SLC16A7: variants seen among roughly 807,000 people sequenced by gnomAD.
SLC16A7 encodes monocarboxylate transporter 2.
Under a neutral mutation model 34.9 loss-of-function variants are expected in SLC16A7, and 33 were observed. That is an observed-to-expected ratio of 0.94 (90% CI 0.72 to 1.26). The LOEUF (loss-of-function observed/expected upper bound fraction) is 1.26, where lower values mean the gene tolerates loss of function less well. Ranked by LOEUF, SLC16A7 falls within the 50% of genes most tolerant of loss-of-function variation. The pLI is 0.00. For missense variants in SLC16A7, 573 were observed against 578.1 expected (o/e 0.99, Z 0.09); for synonymous variants, 201 against 206.6 (o/e 0.97, Z 0.23).
At chr12:59,624,804 A>T (rs988113630) in intron 1 of SLC16A7, among the ~76,000 whole-genome samples, 1 of 151,082 alleles carries the variant, frequency 6.6e-6, no homozygotes, top group African/African-American at 2.4e-5. Flanking sequence ...TACTGCAAGC[A>T]TATTTCTGGT....
chr12:59,771,105 T>C, intron 3 of SLC16A7, 114 bp from the exon 4 acceptor site: 4 of 956,744 alleles, frequency 4.2e-6, no homozygotes, highest in Non-Finnish European at 6.3e-6. Context: ...AACTAGTATT[T>C]CTCCTCTGAC....
rs149470505 is a variant in SLC16A7, at chr12:59,621,091, G to T, written c.-130+24855G>T. Among the ~76,000 whole-genome samples the T allele has an allele frequency of 3.8e-3, 582 of 151,834 alleles. 4 individuals are homozygous for T. The highest frequency in any genetic ancestry group is 0.013 in the African/African-American group (527 of 41,480). ...CTTGGTGCACTATGGTTTATCCATG[G>T]GTCTCCACCACTGTTCTCTAGACTG... On this transcript the variant is annotated intron_variant, in intron 1 of 5. Transcript: ENST00000547379.
chr12:59,714,213 A>G (rs975236515), intron 3 of SLC16A7, among the ~76,000 whole-genome samples: 4 of 152,156 alleles, frequency 2.6e-5, no homozygotes, highest in Admixed American at 2.6e-4. Flanking sequence ...CTATGGTGAA[A>G]AGATGGAGAA....
chr12:59,736,801 T>C (rs1186370427), intron 3 of SLC16A7, among the ~76,000 whole-genome samples: 1 of 152,198 alleles, frequency 6.6e-6, no homozygotes, highest in East Asian at 1.9e-4. Flanking sequence ...CATAACTTCC[T>C]CCACATGCTG....
At chr12:59,628,762 A>T (rs1880047666) in intron 1 of SLC16A7, among the ~76,000 whole-genome samples, 1 of 151,864 alleles carries the variant, frequency 6.6e-6, no homozygotes, top group East Asian at 1.9e-4. Context: ...TAAGTGAATC[A>T]ATTAATTAAT....
intron 2 of SLC16A7, among the ~76,000 whole-genome samples, chr12:59,667,246 A>G (rs933851478): frequency 6.6e-6 from 1 of 152,206 alleles, no homozygotes; most frequent in African/African-American, 2.4e-5. Flanking sequence ...TTGGGTGGGG[A>G]CACAGCCAAA....
intron 1 of SLC16A7, among the ~76,000 whole-genome samples, chr12:59,622,554 T>C (rs1879740648): frequency 6.6e-6 from 1 of 151,864 alleles, no homozygotes; most frequent in African/African-American, 2.4e-5. Context: ...TTTTTTGATA[T>C]GTGATTATGA....
chr12:59,773,570 C>CT (rs34811948), intron 4 of SLC16A7, among the ~76,000 whole-genome samples: 2,234 of 145,620 alleles, frequency 0.015, 36 homozygotes, highest in African/African-American at 0.049. Context: ...AACCAATGTA[C>CT]TTTTTTTTTT....
intron 3 of SLC16A7, among the ~76,000 whole-genome samples, chr12:59,768,498 G>C (rs1168436138): frequency 6.6e-6 from 1 of 152,114 alleles, no homozygotes; most frequent in African/African-American, 2.4e-5. Flanking sequence ...TGAAAATGCT[G>C]TATATATTGT....
At position 59,610,555 on chromosome 12, in the gene SLC16A7, A is replaced by C. The variant is rs905140053; in HGVS notation, c.-130+14319A>C. 2.0e-5 allele frequency among the ~76,000 whole-genome samples: 3 copies of C among 152,174 alleles called. No individual in the cohort carries two copies. In the East Asian group the frequency reaches 5.8e-4, roughly 29 times the overall value. On this transcript the variant is annotated intron_variant, in intron 1 of 5. Transcript: ENST00000547379. ...CAATTATACTTTAATGAGAATGACTACTCAAAAAAAACCTTAATAATTTGT... is the reference window on the plus strand; with the variant it reads ...CAATTATACTTTAATGAGAATGACTCCTCAAAAAAAACCTTAATAATTTGT...
At chr12:59,764,380 G>A (rs904205096) in intron 3 of SLC16A7, among the ~76,000 whole-genome samples, 1 of 152,096 alleles carries the variant, frequency 6.6e-6, no homozygotes, top group Non-Finnish European at 1.5e-5. Context: ...TGTGCACAAC[G>A]TGCAGGTTTG....
intron 2 of SLC16A7, 84 bp from the exon 3 acceptor site, chr12:59,704,688 G>T: frequency 1.5e-6 from 1 of 668,142 alleles, no homozygotes; most frequent in Non-Finnish European, 2.6e-6. Flanking sequence ...GTTTTAACTG[G>T]AAAGTACTAT....
At chr12:59,724,776 G>A (rs914583306) in intron 3 of SLC16A7, among the ~76,000 whole-genome samples, 1 of 151,980 alleles carries the variant, frequency 6.6e-6, no homozygotes, top group Non-Finnish European at 1.5e-5. Flanking sequence ...TAAAGAAATG[G>A]AGGGTTTTTA....
At chr12:59,693,738 T>C (rs919186441) in intron 2 of SLC16A7, among the ~76,000 whole-genome samples, 12 of 151,896 alleles carry the variant, frequency 7.9e-5, no homozygotes, top group Non-Finnish European at 1.6e-4. Flanking sequence ...ACCATCAGAA[T>C]GGACATGCGC....
chr12:59,644,670 C>A (rs1880831846), intron 1 of SLC16A7, among the ~76,000 whole-genome samples: 1 of 152,144 alleles, frequency 6.6e-6, no homozygotes, highest in South Asian at 2.1e-4. Flanking sequence ...TAACTAATTT[C>A]TGATTGCAAA....
At chr12:59,688,368 A>G (rs535166891) in intron 2 of SLC16A7, among the ~76,000 whole-genome samples, 3 of 152,222 alleles carry the variant, frequency 2.0e-5, no homozygotes, top group South Asian at 2.1e-4. Flanking sequence ...TAGGAAGTGT[A>G]TGGCTTTTAA....
At chr12:59,772,859 T>C (rs1368364029) in intron 4 of SLC16A7, among the ~76,000 whole-genome samples, 1 of 152,144 alleles carries the variant, frequency 6.6e-6, no homozygotes, top group Non-Finnish European at 1.5e-5. Flanking sequence ...AAAACTTACT[T>C]TATTTTGGCA....
At chr12:59,608,512 A>G (rs1879045264) in intron 1 of SLC16A7, among the ~76,000 whole-genome samples, 1 of 152,170 alleles carries the variant, frequency 6.6e-6, no homozygotes, top group African/African-American at 2.4e-5. Context: ...AATCTAAGAA[A>G]ATGTAAGTCT....
chr12:59,598,125 C>T (rs1393327281), intron 1 of SLC16A7, among the ~76,000 whole-genome samples: 5 of 152,180 alleles, frequency 3.3e-5, no homozygotes, highest in Non-Finnish European at 7.4e-5. Flanking sequence ...CCAGAATTTG[C>T]TTTTAATTCT....
Sources: allele counts gnomAD v4.1 joint callset (sites outside exome capture counted in the v4.1 genomes callset), GRCh38; gene constraint gnomAD v4.1.1; transcripts MANE v1.5; gene names NCBI Gene and HGNC (gene_info 2026-07-23, HGNC 2026-07-21).